The following PRKN variants were observed in gnomAD, a reference collection of about 807,000 sequenced individuals.
PRKN encodes the protein parkin RBR E3 ubiquitin protein ligase, also known as E3 ubiquitin-protein ligase parkin.
PRKN carries 56 observed loss-of-function variants against 59.5 expected under a neutral mutation model. The ratio of observed to expected loss-of-function variants is 0.94; its 90% confidence interval spans 0.76 to 1.18. PRKN has a LOEUF of 1.18. PRKN is among the 50% of genes most tolerant of loss of function. PRKN has a pLI of 0.00. For missense variants in PRKN, 657 were observed against 596.4 expected (o/e 1.10, Z -1.06); for synonymous variants, 250 against 222.1 (o/e 1.13, Z -1.12).
In PRKN at chr6:161,371,930, T is replaced by C. The variant is rs951214410; in HGVS notation, c.1168-11725A>G. The stretch of plus-strand genomic sequence containing the variant: ...CTGGGATTACAGGCATGAGCCACCA[T>C]GCCTGGCCCAGAAGGGCATTTTTGA... On this transcript the variant is annotated intron_variant, in intron 10 of 11. Transcript: ENST00000366898. This position sits in a 1 kb window ranked among gnomAD's most constrained non-coding sequence, Gnocchi z 5.5. Among the ~76,000 whole-genome samples the C allele has an allele frequency of 2.0e-5, 3 of 152,166 alleles. No homozygotes were observed. The highest frequency in any genetic ancestry group is 2.0e-4 in the Admixed American group (3 of 15,276).
chr6:161,960,002 C>G (rs1379646676), intron 6 of PRKN, among the ~76,000 whole-genome samples: 1 of 152,200 alleles, frequency 6.6e-6, no homozygotes, highest in South Asian at 2.1e-4. Flanking sequence ...TACAGACCTT[C>G]TGCAAAGTAG....
At chr6:161,902,704 G>A (rs765046771) in intron 6 of PRKN, among the ~76,000 whole-genome samples, 3 of 151,838 alleles carry the variant, frequency 2.0e-5, no homozygotes, top group Non-Finnish European at 2.9e-5. Flanking sequence ...GGGATTACAG[G>A]AGCCTGCCAC....
At chr6:161,837,042 T>C (rs1792786012) in intron 6 of PRKN, among the ~76,000 whole-genome samples, 1 of 152,190 alleles carries the variant, frequency 6.6e-6, no homozygotes. Context: ...CCCTGCGCTC[T>C]GTCTTAAGGA....
At chr6:161,871,683 G>T (rs1373795895) in intron 6 of PRKN, among the ~76,000 whole-genome samples, 13 of 152,172 alleles carry the variant, frequency 8.5e-5, no homozygotes, top group Non-Finnish European at 1.5e-5. Flanking sequence ...AGTTGTACAT[G>T]TGAAGGTATT....
chr6:162,368,390 T>C (rs931917794), intron 2 of PRKN, among the ~76,000 whole-genome samples: 5 of 152,216 alleles, frequency 3.3e-5, no homozygotes, highest in African/African-American at 1.2e-4. Flanking sequence ...GATTCCATGC[T>C]GTTGCCAAAT....
chr6:161,716,755 C>A (rs540229232), intron 7 of PRKN, among the ~76,000 whole-genome samples: 2 of 152,154 alleles, frequency 1.3e-5, no homozygotes, highest in Non-Finnish European at 2.9e-5. Context: ...TGGAAGGCAG[C>A]GGCAATGCAG....
At chr6:161,903,416 G>C (rs73022593) in intron 6 of PRKN, among the ~76,000 whole-genome samples, 13,101 of 152,168 alleles carry the variant, frequency 0.086, 838 homozygotes, top group East Asian at 0.34. Flanking sequence ...AATATGTCTT[G>C]ACCAAGGAGA....
chr6:162,176,737 A>G (rs1205163375), intron 4 of PRKN, among the ~76,000 whole-genome samples: 1 of 152,176 alleles, frequency 6.6e-6, no homozygotes, highest in Non-Finnish European at 1.5e-5. Context: ...CTGATAGACT[A>G]GAACAATATA....
At chr6:161,972,953 T>C (rs1209694293) in intron 6 of PRKN, among the ~76,000 whole-genome samples, 1 of 152,224 alleles carries the variant, frequency 6.6e-6, no homozygotes, top group Non-Finnish European at 1.5e-5. Flanking sequence ...TAATTTTATT[T>C]TGGAACTTAA....
intron 2 of PRKN, among the ~76,000 whole-genome samples, chr6:162,267,023 C>A (rs1297790038): frequency 3.9e-5 from 6 of 152,052 alleles, no homozygotes; most frequent in Non-Finnish European, 5.9e-5. Flanking sequence ...TAGCCAGATG[C>A]CATGAAACAC....
intron 7 of PRKN, among the ~76,000 whole-genome samples, chr6:161,651,952 G>C (rs1038457872): frequency 1.3e-5 from 2 of 152,170 alleles, no homozygotes; most frequent in African/African-American, 4.8e-5. Context: ...ATTCATCACT[G>C]AGCATTTGAA....
At chr6:161,916,145 A>G (rs1042141261) in intron 6 of PRKN, among the ~76,000 whole-genome samples, 2 of 152,262 alleles carry the variant, frequency 1.3e-5, no homozygotes, top group African/African-American at 4.8e-5. Flanking sequence ...ATATTTGGTT[A>G]TAAAGGACAA....
Position 161,377,146 on chromosome 6 carries a change from C to G in PRKN, c.1167+9648G>C, listed in dbSNP as rs1389004494. ...GCTACCTGCGGGCCAATAAGAGCAT[C>G]CCAGCAAAGATTTTGGGGGTTCAGC... On this transcript the variant is annotated intron_variant, in intron 10 of 11. Transcript: ENST00000366898. This position sits in a 1 kb window ranked among gnomAD's most constrained non-coding sequence, Gnocchi z 4.2. Among the ~76,000 whole-genome samples, 12 of 152,226 alleles carry G rather than the reference C, an allele frequency of 7.9e-5. No homozygotes were observed. Among genetic ancestry groups the G allele is most frequent in the Admixed American group, 7.2e-4 (11 of 15,292 alleles).
chr6:161,713,319 A>G (rs1420187368), intron 7 of PRKN, among the ~76,000 whole-genome samples: 1 of 152,124 alleles, frequency 6.6e-6, no homozygotes, highest in East Asian at 1.9e-4. Context: ...TTGTTGTTCA[A>G]GAGTTTATAG....
Position 162,109,621 on chromosome 6 carries a change from A to C in PRKN, c.535-55447T>G, listed in dbSNP as rs1780337197. Among the ~76,000 whole-genome samples the C allele has an allele frequency of 2.0e-5, 3 of 152,280 alleles. No homozygotes were observed. The South Asian group carries it at 6.2e-4, about 32-fold the overall frequency. On this transcript the variant is annotated intron_variant, in intron 4 of 11. Transcript: ENST00000366898. ...TGTTTATGTGTTTGCAGTTTTCACC[A>C]GTTCTTAGTGAGAAGTTAGGAGTTA...
At chr6:161,744,569 A>G (rs1788334938) in intron 7 of PRKN, among the ~76,000 whole-genome samples, 2 of 152,216 alleles carry the variant, frequency 1.3e-5, no homozygotes, top group Non-Finnish European at 2.9e-5. Context: ...ATTAGGAATA[A>G]CATTAACATT....
intron 2 of PRKN, among the ~76,000 whole-genome samples, chr6:162,283,884 A>G (rs1781042777): frequency 6.6e-6 from 1 of 152,230 alleles, no homozygotes; most frequent in African/African-American, 2.4e-5. Context: ...TCTGAAATAA[A>G]GATACACACT....
At chr6:162,630,953 C>T (rs1468619230) in intron 1 of PRKN, among the ~76,000 whole-genome samples, 1 of 152,100 alleles carries the variant, frequency 6.6e-6, no homozygotes, top group Non-Finnish European at 1.5e-5. Flanking sequence ...GCCCACAGAT[C>T]AAAAGGAATT....
chr6:162,702,969 A>G (rs1426015282), intron 1 of PRKN, among the ~76,000 whole-genome samples: 1 of 152,214 alleles, frequency 6.6e-6, no homozygotes, highest in East Asian at 1.9e-4. Flanking sequence ...TTATTTAGGC[A>G]AAAAATTAAA....
Sources: gnomAD v4.1 joint callset for allele counts (sites outside exome capture counted in the v4.1 genomes callset) on GRCh38, gnomAD v4.1.1 for gene constraint, Gnocchi (gnomAD v3.1) non-coding constraint, MANE v1.5 for transcripts, NCBI Gene and HGNC (gene_info 2026-07-23, HGNC 2026-07-21) for gene names.